Variants in PAX8 observed in about 807,000 individuals in gnomAD.
PAX8 encodes paired box 8, also known as paired box protein Pax-8.
A neutral mutation model predicts 52.4 loss-of-function variants in PAX8; 15 were observed. The ratio of observed to expected loss-of-function variants is 0.29; its 90% CI spans 0.19 to 0.44. The LOEUF is 0.44. Ranked by LOEUF, PAX8 falls within the 20% of genes least tolerant of loss-of-function variation. The pLI, the probability that PAX8 is intolerant of heterozygous loss-of-function variation, is 1.00. For missense variants in PAX8, 554 were observed against 602.5 expected (o/e 0.92, Z 0.84); for synonymous variants, 284 against 249.7 (o/e 1.14, Z -1.29).
Position 113,278,416 on chromosome 2 carries a change from C to A in PAX8, c.-22G>T. 1.2e-6 allele frequency: 2 copies of A among 1,610,714 alleles called. No homozygotes were observed. Among genetic ancestry groups the A allele is most frequent in the South Asian group, 1.1e-5 (1 of 90,890 alleles). On this transcript the variant is annotated 5_prime_UTR_variant, in exon 2 of 12. Transcript: ENST00000429538. ...GCATCGCCGGGGAGTCGCTCGCAGCCCGCCGAGGGCTCGGGGCTTCCTCCC... is the reference window on the plus strand; with the variant it reads ...GCATCGCCGGGGAGTCGCTCGCAGCACGCCGAGGGCTCGGGGCTTCCTCCC...
intron 2 of PAX8, among the ~76,000 whole-genome samples, chr2:113,261,938 C>T (rs755547274): frequency 3.3e-5 from 5 of 152,100 alleles, no homozygotes; most frequent in Middle Eastern, 3.4e-3. Context: ...AAGCAATTCT[C>T]CTGCCTTCAG....
At chr2:113,226,924 A>T in intron 10 of PAX8, 1 of 1,434,116 alleles carries the variant, frequency 7.0e-7, no homozygotes, top group Non-Finnish European at 9.2e-7. Context: ...AGGGTAATGT[A>T]GCAGGCCTGG....
At chr2:113,242,473 A>C (rs1328271438) in intron 5 of PAX8, among the ~76,000 whole-genome samples, 1 of 152,078 alleles carries the variant, frequency 6.6e-6, no homozygotes, top group African/African-American at 2.4e-5. Flanking sequence ...AGCTGTCTCA[A>C]GTGTTTGCAC....
rs754406935 is a variant in PAX8 at position 113,241,382 on chromosome 2, G to C, written c.777+169C>G. 6 of 729,686 alleles carry C rather than the reference G, an allele frequency of 8.2e-6. No homozygotes were observed. The South Asian group carries it at 9.1e-5, about 11-fold the overall frequency. 45.2% of individuals were successfully genotyped at this position (729,686 alleles called of 1,614,324 possible). A position where few individuals can be genotyped will look rare whatever the true frequency, so the allele number is the denominator to read the frequency against. ...GGTTAGAAAGGGAGGAAGATGCCAG[G>C]GCATCTGGTAAAATAAAGCATGTGT... On this transcript the variant is annotated intron_variant, in intron 7 of 11. Coordinates refer to ENST00000429538, the MANE Select transcript of PAX8 (RefSeq NM_003466.4).
Position 113,242,785 on chromosome 2 carries a change from T to TCCG in PAX8, c.390-8_390-7insCGG, listed in dbSNP as rs1354662736. 3 of 1,610,506 alleles carry TCCG rather than the reference T, an allele frequency of 1.9e-6. No homozygotes were observed. The highest frequency in any genetic ancestry group is 2.5e-6 in the Non-Finnish European group (3 of 1,176,830). ...CACTTTGGTCCGGATGATTCTGTGA[T>TCCG]GAAGAGAAGAAAGGCCATGAGAGAG... On this transcript the variant is annotated splice_region_variant and splice_polypyrimidine_tract_variant and intron_variant, in intron 4 of 11. Transcript: ENST00000429538.
intron 7 of PAX8, chr2:113,240,709 GTAT>G (rs1288854203): frequency 6.6e-6 from 1 of 152,468 alleles, no homozygotes; most frequent in Non-Finnish European, 1.5e-5. Flanking sequence ...AGCTTGTGAT[GTAT>G]TATTCTGGAT....
At chr2:113,272,907 G>C (rs1002272061) in intron 2 of PAX8, 3 of 152,214 alleles carry the variant, frequency 2.0e-5, no homozygotes, top group Admixed American at 2.0e-4. Context: ...CCGAAGGGGG[G>C]CAGTGCACCA....
intron 7 of PAX8, chr2:113,239,521 A>C (rs536268580): frequency 6.6e-6 from 1 of 152,384 alleles, no homozygotes; most frequent in Admixed American, 6.5e-5. Flanking sequence ...CAGCACAGTC[A>C]GTTACCAGAG....
intron 2 of PAX8, chr2:113,266,518 T>G (rs1693070402): frequency 6.6e-6 from 1 of 152,206 alleles, no homozygotes; most frequent in South Asian, 2.1e-4. Context: ...GGGATCCTAC[T>G]GATGGATGGA....
chr2:113,268,021 T>C (rs889765013), intron 2 of PAX8: 10 of 152,234 alleles, frequency 6.6e-5, no homozygotes, highest in Non-Finnish European at 1.5e-4. Context: ...TGCGTGAGCC[T>C]GAGAGAGAGA....
intron 2 of PAX8, 137 bp from the exon 3 acceptor site, chr2:113,247,056 G>C (rs1691383998): frequency 3.7e-6 from 3 of 818,070 alleles, no homozygotes. Flanking sequence ...GGCCCTGTGG[G>C]CCCCTCTGCA....
chr2:113,230,118 T>C (rs1342239141), intron 9 of PAX8, among the ~76,000 whole-genome samples: 1 of 152,202 alleles, frequency 6.6e-6, no homozygotes, highest in Non-Finnish European at 1.5e-5. Flanking sequence ...GCACCCAGTG[T>C]TGAGAAGGAT....
At chr2:113,224,549 A>G (rs74888479) in intron 10 of PAX8, among the ~76,000 whole-genome samples, 4 of 147,312 alleles carry the variant, frequency 2.7e-5, no homozygotes, top group Admixed American at 6.8e-5. Context: ...TCCGTCTCCA[A>G]AAAAAAAAAA....
rs569332912 is a variant in PAX8, at chr2:113,272,794, C to A, written c.25+5576G>T. The A allele has an allele frequency of 3.9e-5, 6 of 152,300 alleles. No homozygotes were observed. In the East Asian group the frequency reaches 1.2e-3, roughly 29 times the overall value. 9.4% of individuals were successfully genotyped at this position (152,300 alleles called of 1,614,324 possible). On this transcript the variant is annotated intron_variant, in intron 2 of 11. Transcript: ENST00000429538. ...CTGCATTTGGAAAGAATCCCTCCCG[C>A]AAAGAACTCTACACCCTCTAAGAGA... is the stretch of plus-strand genomic sequence containing the variant.
chr2:113,258,699 T>A (rs944351678), intron 2 of PAX8, among the ~76,000 whole-genome samples: 29 of 152,360 alleles, frequency 1.9e-4, no homozygotes, highest in African/African-American at 6.7e-4. Context: ...TTTCCCTAGT[T>A]GATATTAGAT....
In PAX8 at chr2:113,235,561, A is replaced by G. The variant is rs760553635; in HGVS notation, c.920T>C (p.Ile307Thr). ...VVADPHSPFA[I>T]KQETPEVSSS... ...GGACACCTCGGGGGTTTCCTGCTTT[A>G]TGGCGAAGGGTGAGTGAGGATCTGC... The change falls in exon 9 of 12, where the codon ATA becomes ACA. Residue 307 changes from isoleucine (I) to threonine (T), a missense_variant. Ile to Thr is a moderately conservative substitution (Grantham distance 89). Coordinates refer to ENST00000429538, the MANE Select transcript of PAX8 (RefSeq NM_003466.4). 5.5e-5 allele frequency: 89 copies of G among 1,613,006 alleles called. 1 individual carries two copies. The highest frequency in any genetic ancestry group is 7.4e-5 in the Non-Finnish European group (87 of 1,179,368).
At chr2:113,242,233 G>T (rs1363351586) in intron 5 of PAX8, 103 bp from the exon 6 acceptor site, 14 of 976,682 alleles carry the variant, frequency 1.4e-5, no homozygotes, top group Non-Finnish European at 2.2e-5. Flanking sequence ...TGCAGGGGCT[G>T]GGGGAGAGGG....
rs1573436181 is a variant in PAX8, at chr2:113,235,540, A to T, written c.941T>A (p.Val314Glu). 1 of 1,613,614 alleles carries T rather than the reference A, an allele frequency of 6.2e-7. No individual in the cohort carries two copies. Reference protein sequence around the residue: ...PFAIKQETPEVSSSSSTPSSL... With the variant: ...PFAIKQETPEESSSSSTPSSL... ...GGAAGGGGTGGAGCTAGAACTGGAC[A>T]CCTCGGGGGTTTCCTGCTTTATGGC... Residue 314 changes from valine (V) to glutamate (E), a missense_variant, in exon 9 of 12, where the codon GTG becomes GAG. Val to Glu is a moderately radical substitution (Grantham distance 121, BLOSUM62 -2). This residue lies in a region of PAX8 where 445 missense variants were observed against 409.9 expected (regional missense o/e 1.09). Transcript: ENST00000429538.
chr2:113,268,728 T>G (rs1573541945), intron 2 of PAX8: 1 of 152,462 alleles, frequency 6.6e-6, no homozygotes. Context: ...GCTTTGGAGC[T>G]GGGATGGGTG....
Sources: gnomAD v4.1 joint callset for allele counts (sites outside exome capture counted in the v4.1 genomes callset) on GRCh38, gnomAD v4.1.1 for gene constraint, gnomAD v4.1.1 regional missense constraint, MANE v1.5 for transcripts, NCBI Gene and HGNC (gene_info 2026-07-23, HGNC 2026-07-21) for gene names.